EXOC6: variants seen among roughly 807,000 people sequenced by gnomAD.
EXOC6 encodes the protein SEC15-like 1.
EXOC6 carries 60 observed loss-of-function variants against 112.5 expected under a neutral mutation model. The ratio of observed to expected loss-of-function variants is 0.53; its 90% CI spans 0.43 to 0.66. The LOEUF is 0.66. EXOC6 is among the 30% of genes least tolerant of loss of function. The probability of loss-of-function intolerance (pLI) is 0.00; values close to 1 mark genes in which losing one functional copy is unlikely to be tolerated. For missense variants in EXOC6, 855 were observed against 957.1 expected, an observed-to-expected ratio of 0.89 and a Z score of 1.41; for synonymous variants, 295 against 308.0, an observed-to-expected ratio of 0.96 and a Z score of 0.44.
At position 92,893,396 on chromosome 10, in the gene EXOC6, A is replaced by C; in HGVS notation, c.149A>C (p.Lys50Thr). Reference sequence around the variant, plus strand: ...AATGCGCACAAGAAGTTTATGGAAAAGTTAGATGCTTGTATCCGTAATCAT... The same window carrying C: ...AATGCGCACAAGAAGTTTATGGAAACGTTAGATGCTTGTATCCGTAATCAT... ...QPNAHKKFME[K>T]LDACIRNHDK... The change falls in exon 2 of 22, where the codon AAG (lysine) becomes ACG (threonine). Residue 50 changes from lysine (K) to threonine (T), a missense_variant. Physicochemically the swap from Lys to Thr is moderately conservative, Grantham distance 78 (BLOSUM62 -1). This residue lies in a region of EXOC6 where 405 missense variants were observed against 393.6 expected (regional missense o/e 1.03). Coordinates refer to ENST00000260762, the MANE Select transcript of EXOC6 (RefSeq NM_019053.6). The C allele has an allele frequency of 6.2e-7, 1 of 1,612,850 alleles. No homozygotes were observed.
At chr10:92,832,075 T>C (rs753038229), upstream of EXOC6, among the ~76,000 whole-genome samples, 7 of 152,242 alleles carry the variant, frequency 4.6e-5, no homozygotes, top group Non-Finnish European at 1.0e-4. Context: ...AATATAGTGA[T>C]GCTGATGGCT....
At chr10:92,975,698 A>G in intron 18 of EXOC6, among the ~76,000 whole-genome samples, 1 of 109,176 alleles carries the variant, frequency 9.2e-6, no homozygotes, top group African/African-American at 3.6e-5. Flanking sequence ...CTGGGAAGTG[A>G]GGAGCCCCTC....
At chr10:92,974,693 GTGCCTGCGATTGCA>G (rs1842436850) in intron 18 of EXOC6, among the ~76,000 whole-genome samples, 1 of 152,154 alleles carries the variant, frequency 6.6e-6, no homozygotes, top group African/African-American at 2.4e-5. Context: ...AGCCTGCCGA[GTGCCTGCGATTGCA>G]GGCGCACGCC....
chr10:93,007,298 T>A (rs1844036599), intron 19 of EXOC6, among the ~76,000 whole-genome samples: 1 of 151,664 alleles, frequency 6.6e-6, no homozygotes, highest in Non-Finnish European at 1.5e-5. Flanking sequence ...ATTTTTTTTT[T>A]TTTATATATA....
In EXOC6 at chr10:92,856,169, A is replaced by G. The variant is rs189496627; in HGVS notation, c.101+7535A>G. The stretch of plus-strand genomic sequence containing the variant: ...ATGAGCCACTGCACCTGGCCTCTCT[A>G]TTGTTTTTCTGTTACATTTACATCT... On this transcript the variant is annotated intron_variant, in intron 1 of 21. Transcript: ENST00000260762. 5.1e-3 allele frequency among the ~76,000 whole-genome samples: 775 copies of G among 151,714 alleles called. 2 individuals carry two copies. The highest frequency in any genetic ancestry group is 8.0e-3 in the Non-Finnish European group (541 of 67,900).
At chr10:93,017,177 C>G (rs1486962074) in intron 20 of EXOC6, among the ~76,000 whole-genome samples, 2 of 151,996 alleles carry the variant, frequency 1.3e-5, no homozygotes, top group African/African-American at 4.8e-5. Context: ...TCTTGATTCT[C>G]CTCAAAAAGC....
chr10:92,878,340 A>G (rs1042740459), intron 1 of EXOC6: 3 of 152,206 alleles, frequency 2.0e-5, no homozygotes, highest in East Asian at 1.9e-4. Context: ...AAGCAGGCAC[A>G]TGAAGGTCCA....
intron 16 of EXOC6, among the ~76,000 whole-genome samples, chr10:92,955,330 A>G (rs1409563965): frequency 6.6e-6 from 1 of 152,034 alleles, no homozygotes; most frequent in Admixed American, 6.6e-5. Flanking sequence ...GAAACATACT[A>G]TGAAAAGTTA....
In EXOC6 at chr10:93,058,307, C is replaced by T. The variant is rs751967323; in HGVS notation, c.2367C>T (p.Val789=). 8.1e-6 allele frequency: 13 copies of T among 1,611,368 alleles called. No individual in the cohort carries two copies. Among genetic ancestry groups the T allele is most frequent in the African/African-American group, 5.3e-5 (4 of 74,828 alleles). The change falls in exon 22 of 22, where the codon GTC becomes GTT. Residue 789 remains valine (V), a synonymous_variant. Transcript: ENST00000260762. ...DRDKQKLIET[V]VKQLRSLVNG... ...ACAAACAGAAGTTGATAGAGACAGT[C>T]GTGAAACAGCTGAGAAGTTTGGTGA...
intron 19 of EXOC6, among the ~76,000 whole-genome samples, chr10:93,002,036 A>G (rs765355834): frequency 3.9e-5 from 6 of 152,224 alleles, no homozygotes; most frequent in Non-Finnish European, 7.3e-5. Flanking sequence ...TTCATATTCT[A>G]TAATTGATTA....
chr10:92,935,481 T>G (rs1373789174), intron 11 of EXOC6, among the ~76,000 whole-genome samples: 1 of 152,088 alleles, frequency 6.6e-6, no homozygotes, highest in East Asian at 1.9e-4. Flanking sequence ...TAATACATAG[T>G]GTCTCTTTTA....
chr10:92,939,843 T>A (rs1467729035), intron 12 of EXOC6, among the ~76,000 whole-genome samples: 3 of 152,024 alleles, frequency 2.0e-5, no homozygotes, highest in Non-Finnish European at 4.4e-5. Context: ...TAGAGTGAGA[T>A]CATTGAATTT....
Position 92,891,332 on chromosome 10 carries a change from A to G in EXOC6, c.102-2017A>G, listed in dbSNP as rs546429787. On this transcript the variant is annotated intron_variant, in intron 1 of 21. Transcript: ENST00000260762. ...ATGGAATTTAAAGCTACAAGTCAAG[A>G]TGACATGGAGATAGAAAAGAGAATA... Among the ~76,000 whole-genome samples the G allele has an allele frequency of 3.9e-5, 6 of 152,332 alleles. No individual in the cohort carries two copies. In the South Asian group the frequency reaches 1.2e-3, roughly 32 times the overall value.
At chr10:92,904,705 G>A (rs777061290) in intron 5 of EXOC6, among the ~76,000 whole-genome samples, 17 of 151,934 alleles carry the variant, frequency 1.1e-4, no homozygotes, top group Non-Finnish European at 2.4e-4. Context: ...TTTGTGTTTC[G>A]AACATATTTT....
chr10:92,908,081 A>ATTTTGTT (rs1850544011), intron 5 of EXOC6, among the ~76,000 whole-genome samples: 1 of 55,856 alleles, frequency 1.8e-5, no homozygotes. Flanking sequence ...TTTTTTTGAG[A>ATTTTGTT]AAGTTTCTTA....
At chr10:92,973,074 G>C in intron 17 of EXOC6, among the ~76,000 whole-genome samples, 1 of 152,134 alleles carries the variant, frequency 6.6e-6, no homozygotes, top group Non-Finnish European at 1.5e-5. Flanking sequence ...AATTGTTTTT[G>C]ACAGCTGCCC....
chr10:92,953,109 C>T (rs187836935), intron 15 of EXOC6, among the ~76,000 whole-genome samples: 1 of 152,248 alleles, frequency 6.6e-6, no homozygotes, highest in East Asian at 1.9e-4. Context: ...GACAGGAACT[C>T]ACTCTGTTGC....
At chr10:92,848,812 A>G (rs1847176070) in intron 1 of EXOC6, among the ~76,000 whole-genome samples, 178 bp downstream of exon 1, 1 of 151,614 alleles carries the variant, frequency 6.6e-6, no homozygotes, top group Non-Finnish European at 1.5e-5. Context: ...GGCGGGACCG[A>G]GAAGGCGGCT....
intron 20 of EXOC6, among the ~76,000 whole-genome samples, chr10:93,035,724 A>G (rs1326519232): frequency 1.3e-5 from 2 of 152,096 alleles, no homozygotes; most frequent in Admixed American, 1.3e-4. Context: ...GTGCATTGGC[A>G]TATGCTTGTA....
Sources: gnomAD v4.1 joint callset for allele counts (sites outside exome capture counted in the v4.1 genomes callset) on GRCh38, gnomAD v4.1.1 for gene constraint, gnomAD v4.1.1 regional missense constraint, MANE v1.5 for transcripts, NCBI Gene and HGNC (gene_info 2026-07-23, HGNC 2026-07-21) for gene names.